The following FBF1 variants were observed in gnomAD, a reference collection of about 807,000 sequenced individuals.
FBF1 encodes the protein Fas binding factor 1.
Under a neutral mutation model 147.2 loss-of-function variants are expected in FBF1, and 119 were observed. The ratio of observed to expected loss-of-function variants is 0.81; its 90% CI spans 0.70 to 0.94. FBF1 has a LOEUF of 0.94. Ranked by LOEUF, FBF1 falls within the 40% of genes least tolerant of loss-of-function variation. The pLI is 0.00. For synonymous variants in FBF1, 601 were observed against 609.0 expected (o/e 0.99, Z 0.19); for missense variants, 1,449 against 1,500.8 (o/e 0.97, Z 0.57).
chr17:75,937,590 G>C lies in FBF1; in HGVS notation c.7C>G (p.Pro3Ala), dbSNP rs1386225388. MAPKTKKGCKGSI... is the reference protein window; with the variant it reads MAAKTKKGCKGSI... ...CCTTTACATCCTTTCTTGGTTTTTGGTGCCTAAAATGGGAAAAACAAATCA... is the reference window on the plus strand; with the variant it reads ...CCTTTACATCCTTTCTTGGTTTTTGCTGCCTAAAATGGGAAAAACAAATCA... The change falls in exon 3 of 30, where the codon CCA becomes GCA. Residue 3 changes from proline (P) to alanine (A), a missense_variant. By Grantham distance (27) the Pro-to-Ala change is conservative (BLOSUM62 -1). Transcript: ENST00000636174. The C allele has an allele frequency of 6.2e-7, 1 of 1,613,828 alleles. No individual in the cohort carries two copies. Among genetic ancestry groups the C allele is most frequent in the Non-Finnish European group, 8.5e-7 (1 of 1,179,862 alleles).
In FBF1 at chr17:75,920,083, C is replaced by G. The variant is rs751087251; in HGVS notation, c.1855G>C (p.Ala619Pro). The G allele has an allele frequency of 6.3e-7, 1 of 1,588,490 alleles. No individual in the cohort carries two copies. Among genetic ancestry groups the G allele is most frequent in the Non-Finnish European group, 8.6e-7 (1 of 1,168,140 alleles). ...CTCCCCAGCAGCAGCTCATGCTGGG[C>G]CCGTTCTAGCTCCAGCTTCCGCACC... ...AQVRKLELER[A>P]QHELLLGSLQ... The change falls in exon 19 of 30, where the codon GCC becomes CCC. Residue 619 changes from alanine (A) to proline (P), a missense_variant. Transcript: ENST00000636174.
chr17:75,922,202 G>A lies in FBF1; in HGVS notation c.1425-156C>T. 1 of 605,912 alleles carries A rather than the reference G, an allele frequency of 1.7e-6. No individual in the cohort carries two copies. The highest frequency in any genetic ancestry group is 2.9e-6 in the Non-Finnish European group (1 of 345,288). 37.5% of individuals were successfully genotyped at this position (605,912 alleles called of 1,614,324 possible). ...TGGGGCATTCTCCTCCCACGTCTGA[G>A]CTCCTGGGATTTCTGGGCATCTCTT... On this transcript the variant is annotated intron_variant, in intron 14 of 29. Coordinates refer to ENST00000636174, the MANE Select transcript of FBF1 (RefSeq NM_001319193.2). The surrounding 1 kb of genome is among the most constrained non-coding windows in gnomAD (Gnocchi z 5.0).
Position 75,910,846 on chromosome 17 carries a change from C to G in FBF1, c.3364-40G>C. Reference sequence around the variant, plus strand: ...TGGATGGGCGGTCACCTTCCCTGAGCTGAGAGGGAGGTGGAGCCCTGGATG... The same window carrying G: ...TGGATGGGCGGTCACCTTCCCTGAGGTGAGAGGGAGGTGGAGCCCTGGATG... On this transcript the variant is annotated intron_variant, in intron 29 of 29. Transcript: ENST00000636174. The surrounding 1 kb of genome is among the most constrained non-coding windows in gnomAD (Gnocchi z 4.1). 1 of 1,541,292 alleles carries G rather than the reference C, an allele frequency of 6.5e-7. No individual in the cohort carries two copies. The highest frequency in any genetic ancestry group is 8.9e-7 in the Non-Finnish European group (1 of 1,129,422).
chr17:75,934,018 A>G (rs770336476), intron 4 of FBF1, among the ~76,000 whole-genome samples: 6 of 152,230 alleles, frequency 3.9e-5, no homozygotes, highest in Admixed American at 6.5e-5. Context: ...TTAAACATAC[A>G]GTTACCATAT....
At chr17:75,913,676 C>G (rs1346086747) in intron 28 of FBF1, 26 bp downstream of exon 28, 1 of 1,550,712 alleles carries the variant, frequency 6.4e-7, no homozygotes, top group South Asian at 1.2e-5. Context: ...CCTGAGCCGC[C>G]GGCCCTTCCT....
rs1369071077 is a variant in FBF1, at chr17:75,922,402, A to G, written c.1425-356T>C. 6.6e-6 allele frequency among the ~76,000 whole-genome samples: 1 copy of G among 152,060 alleles called. No homozygotes were observed. The highest frequency in any genetic ancestry group is 1.5e-5 in the Non-Finnish European group (1 of 68,020). Reference sequence around the variant, plus strand: ...GATTAGGATTCTGCTCAGTCTACCAAATCTGGCTGGCTCCCTTTCCCATTA... The same window carrying G: ...GATTAGGATTCTGCTCAGTCTACCAGATCTGGCTGGCTCCCTTTCCCATTA... On this transcript the variant is annotated intron_variant, in intron 14 of 29. Coordinates refer to ENST00000636174, the MANE Select transcript of FBF1 (RefSeq NM_001319193.2). The surrounding 1 kb of genome is among the most constrained non-coding windows in gnomAD (Gnocchi z 5.0).
Position 75,914,020 on chromosome 17 carries a change from G to A in FBF1, c.3022C>T (p.Arg1008Trp), listed in dbSNP as rs747652849. The A allele has an allele frequency of 5.6e-5, 89 of 1,585,030 alleles. No homozygotes were observed. Among genetic ancestry groups the A allele is most frequent in the Admixed American group, 1.2e-4 (7 of 58,160 alleles). The stretch of plus-strand genomic sequence containing the variant: ...ACCTGCTGGGCCTCGCGCAATGCCC[G>A]CTCCCCCTCCTCGTACTTCTCGGAG... ...VASEKYEEGE[R>W]ALREAQQVQA... The change falls in exon 27 of 30, where the codon CGG (arginine) becomes TGG (tryptophan). Residue 1008 changes from arginine to tryptophan, a missense_variant. By Grantham distance (101) the Arg-to-Trp change is moderately radical. Transcript: ENST00000636174.
Position 75,914,756 on chromosome 17 carries a change from G to A in FBF1, c.2805C>T (p.Ser935=), listed in dbSNP as rs776202390. The A allele has an allele frequency of 3.8e-6, 6 of 1,571,862 alleles. No individual in the cohort carries two copies. The South Asian group carries it at 4.7e-5, about 12-fold the overall frequency. ...VDTQREGTLI[S]LAKEQAELKI... ...AGGCTCTGGGCCCTACCTTGGCCAGGCTGATGAGGGTGCCCTCCCGCTGGG... is the reference window on the plus strand; with the variant it reads ...AGGCTCTGGGCCCTACCTTGGCCAGACTGATGAGGGTGCCCTCCCGCTGGG... The change falls in exon 25 of 30, where the codon AGC becomes AGT. Residue 935 remains serine, a synonymous_variant. Transcript: ENST00000636174.
At chr17:75,915,286 G>T in intron 23 of FBF1, 147 bp from the exon 24 acceptor site, 1 of 1,320,658 alleles carries the variant, frequency 7.6e-7, no homozygotes, top group Non-Finnish European at 1.0e-6. Flanking sequence ...AATGAGGGGT[G>T]CCTGGGAGGC....
At chr17:75,927,022 G>T in intron 9 of FBF1, 145 bp from the exon 10 acceptor site, 2 of 1,132,702 alleles carry the variant, frequency 1.8e-6, no homozygotes, top group Non-Finnish European at 2.5e-6. Flanking sequence ...GGTGGGGCCT[G>T]GGGCAACGGG....
rs1382880026 is a variant in FBF1 at position 75,922,934 on chromosome 17, A to G, written c.1424+252T>C. ...CTCGATCAAGTTAGCACCTGTCCCC[A>G]TGGCGGTCAGGGCATGAATGTCAAC... On this transcript the variant is annotated intron_variant, in intron 14 of 29. Coordinates refer to ENST00000636174, the MANE Select transcript of FBF1 (RefSeq NM_001319193.2). This position sits in a 1 kb window ranked among gnomAD's most constrained non-coding sequence, Gnocchi z 5.0. Among the ~76,000 whole-genome samples, 5 of 152,208 alleles carry G rather than the reference A, an allele frequency of 3.3e-5. No homozygotes were observed. Among genetic ancestry groups the G allele is most frequent in the Admixed American group, 6.5e-5 (1 of 15,284 alleles).
rs757552351 is a variant in FBF1 at position 75,928,042 on chromosome 17, T to G, written c.397+34A>C. 1 of 1,551,808 alleles carries G rather than the reference T, an allele frequency of 6.4e-7. No homozygotes were observed. Among genetic ancestry groups the G allele is most frequent in the East Asian group, 2.2e-5 (1 of 44,470 alleles). ...TCCCTAGCAGATGCGAGGAGCCGTC[T>G]CCCATGCACCTTTCTCACTGGCTAC... On this transcript the variant is annotated intron_variant, in intron 8 of 29. Coordinates refer to ENST00000636174, the MANE Select transcript of FBF1 (RefSeq NM_001319193.2). This position sits in a 1 kb window ranked among gnomAD's most constrained non-coding sequence, Gnocchi z 4.2.
intron 23 of FBF1, 118 bp downstream of exon 23, chr17:75,917,614 G>T: frequency 2.2e-6 from 2 of 899,638 alleles, no homozygotes; most frequent in Non-Finnish European, 3.3e-6. Flanking sequence ...GGAAGCGGCA[G>T]GTGGGGCCTT....
Position 75,917,757 on chromosome 17 carries a change from T to G in FBF1, c.2480A>C (p.Asn827Thr). 2 of 1,606,822 alleles carry G rather than the reference T, an allele frequency of 1.2e-6. No homozygotes were observed. The highest frequency in any genetic ancestry group is 1.7e-6 in the Non-Finnish European group (2 of 1,177,796). The part of the protein sequence containing the change: ...EVIGKMEARL[N>T]EQSRLLEQER... Reference sequence around the variant, plus strand: ...CTGCTCCAGCAGCCGGCTCTGCTCATTCAGCCGTGCCTCCATCTTCCCGAT... The same window carrying G: ...CTGCTCCAGCAGCCGGCTCTGCTCAGTCAGCCGTGCCTCCATCTTCCCGAT... Residue 827 changes from asparagine to threonine, a missense_variant, in exon 23 of 30, where the codon AAT becomes ACT. Transcript: ENST00000636174.
At chr17:75,929,964 C>CCCCTCCCAAAA in intron 7 of FBF1, 33 bp downstream of exon 7, 1 of 1,402,202 alleles carries the variant, frequency 7.1e-7, no homozygotes, top group Non-Finnish European at 9.9e-7. Context: ...CACCCACCCC[C>CCCCTCCCAAAA]AGTTCTAAGA....
chr17:75,910,614 C>T lies in FBF1; in HGVS notation c.*109G>A, dbSNP rs1317891345. 2.1e-6 allele frequency: 2 copies of T among 940,948 alleles called. No individual in the cohort carries two copies. Among genetic ancestry groups the T allele is most frequent in the Non-Finnish European group, 3.3e-6 (2 of 613,378 alleles). 58.3% of individuals were successfully genotyped at this position (940,948 alleles called of 1,614,324 possible). ...GTCCACGGAAGAGCTGTCATCAGGC[C>T]TCAAGCATCTCAGAATCCTCCCCAG... On this transcript the variant is annotated 3_prime_UTR_variant, in exon 30 of 30. Transcript: ENST00000636174. The surrounding 1 kb of genome is among the most constrained non-coding windows in gnomAD (Gnocchi z 4.1).
intron 23 of FBF1, among the ~76,000 whole-genome samples, chr17:75,915,988 A>T (rs189931357): frequency 7.2e-6 from 1 of 138,942 alleles, no homozygotes; most frequent in African/African-American, 2.8e-5. Context: ...AGCCTGGGTG[A>T]CAGAGCGAGA....
rs1475264665 is a variant in FBF1, at chr17:75,919,426, A to G, written c.2138+242T>C. Among the ~76,000 whole-genome samples the G allele has an allele frequency of 6.6e-6, 1 of 152,132 alleles. No individual in the cohort carries two copies. The highest frequency in any genetic ancestry group is 1.5e-5 in the Non-Finnish European group (1 of 68,020). The stretch of plus-strand genomic sequence containing the variant: ...AGACCCTAGGCGGCTTGCTGCTGCC[A>G]TGCCATGCCTGAACAGCCTGTGGGT... On this transcript the variant is annotated intron_variant, in intron 20 of 29. Coordinates refer to ENST00000636174, the MANE Select transcript of FBF1 (RefSeq NM_001319193.2). This position sits in a 1 kb window ranked among gnomAD's most constrained non-coding sequence, Gnocchi z 5.0.
chr17:75,920,835 G>A (rs1049964085), intron 17 of FBF1, among the ~76,000 whole-genome samples: 1 of 150,808 alleles, frequency 6.6e-6, no homozygotes, highest in Non-Finnish European at 1.5e-5. Context: ...ACTCCTGGGG[G>A]GGGGGGGGGC....
Sources: allele counts gnomAD v4.1 joint callset (sites outside exome capture counted in the v4.1 genomes callset), GRCh38; gene constraint gnomAD v4.1.1; non-coding constraint Gnocchi (gnomAD v3.1); transcripts MANE v1.5; gene names NCBI Gene and HGNC (gene_info 2026-07-23, HGNC 2026-07-21).